Variants in MUC5B observed in about 807,000 individuals in gnomAD.
MUC5B encodes mucin 5B, oligomeric mucus/gel-forming.
Under a neutral mutation model 376.9 loss-of-function variants are expected in MUC5B, and 116 were observed. The observed-to-expected ratio is 0.31, with a 90% confidence interval of 0.26 to 0.36. The LOEUF (loss-of-function observed/expected upper bound fraction) is 0.36, where lower values mean the gene tolerates loss of function less well. Among genes scored for constraint, MUC5B ranks in the 10% least tolerant of loss-of-function variants. MUC5B has a pLI of 1.00. For synonymous variants in MUC5B, 3,517 were observed against 3,390.9 expected, an observed-to-expected ratio of 1.04 and a Z score of -1.29; for missense variants, 7,165 against 7,769.9, an observed-to-expected ratio of 0.92 and a Z score of 2.93.
rs1031020920 is a variant in MUC5B at position 1,243,017 on chromosome 11, C to T, written c.6137C>T (p.Ala2046Val). The T allele has an allele frequency of 1.9e-6, 3 of 1,613,062 alleles. No individual in the cohort carries two copies. Among genetic ancestry groups the T allele is most frequent in the Admixed American group, 3.3e-5 (2 of 59,964 alleles). Reference sequence around the variant, plus strand: ...ACCCCCTCCTCCACCCCAGGAACAGCTCACACTACCAAAGTGCCAACTACC... The same window carrying T: ...ACCCCCTCCTCCACCCCAGGAACAGTTCACACTACCAAAGTGCCAACTACC... ...VATPSSTPGT[A>V]HTTKVPTTTT... Residue 2046 changes from alanine to valine, a missense_variant, in exon 31 of 49, where the codon GCT becomes GTT. Ala to Val is a moderately conservative substitution (Grantham distance 64, BLOSUM62 0). Around this residue, in one of 31 missense-constraint regions of MUC5B, gnomAD observed 897 missense variants for 779.6 expected, o/e 1.15. Transcript: ENST00000529681.
Position 1,248,417 on chromosome 11 carries a change from C to T in MUC5B, c.11537C>T (p.Ala3846Val), listed in dbSNP as rs199752447. ...ACCACCACGGCCACCACAACCAGGG[C>T]CACCGGCTCTGTGGCCACCCCCTCT... ...VLTTTATTTR[A>V]TGSVATPSST... Residue 3846 changes from alanine (A) to valine (V), a missense_variant, in exon 31 of 49, where the codon GCC becomes GTC. Ala to Val is a moderately conservative substitution (Grantham distance 64, BLOSUM62 0). Transcript: ENST00000529681. 16 of 1,612,114 alleles carry T rather than the reference C, an allele frequency of 9.9e-6. No individual in the cohort carries two copies. In the African/African-American group the frequency reaches 2.1e-4, roughly 22 times the overall value.
At chr11:1,256,458 A>ACCTGGCCCCGCCC in intron 38 of MUC5B, 1 of 296,420 alleles carries the variant, frequency 3.4e-6, no homozygotes, top group Non-Finnish European at 6.0e-6. Flanking sequence ...TGGCCCCGCC[A>ACCTGGCCCCGCCC]CCGAGCCCCA....
Position 1,243,805 on chromosome 11 carries a change from G to T in MUC5B, c.6925G>T (p.Val2309Leu). Residue 2309 changes from valine (V) to leucine (L), a missense_variant, in exon 31 of 49, where the codon GTG (valine) becomes TTG (leucine). Coordinates refer to ENST00000529681, the MANE Select transcript of MUC5B (RefSeq NM_002458.3). Reference protein sequence around the residue: ...SSPTSAPITTVVTMGCEPQCA... With the variant: ...SSPTSAPITTLVTMGCEPQCA... ...CCCCACATCGGCCCCCATAACCACG[G>T]TGGTGACCATGGGCTGTGAGCCCCA... 6.2e-7 allele frequency: 1 copy of T among 1,611,644 alleles called. No individual in the cohort carries two copies. The highest frequency in any genetic ancestry group is 1.7e-5 in the Admixed American group (1 of 60,012).
Position 1,257,565 on chromosome 11 carries a change from C to T in MUC5B, c.16305C>T (p.Cys5435=), listed in dbSNP as rs753328009. Residue 5435 remains cysteine (C), a synonymous_variant, in exon 41 of 49, where the codon TGC becomes TGT. Transcript: ENST00000529681. The surrounding 1 kb of genome is among the most constrained non-coding windows in gnomAD (Gnocchi z 8.9). Reference sequence around the variant, plus strand: ...GGTGGGTCAGCAACTGCCAGTCCTGCGTGTGTGACGAGGGTTCAGTGTCGG... The same window carrying T: ...GGTGGGTCAGCAACTGCCAGTCCTGTGTGTGTGACGAGGGTTCAGTGTCGG... The part of the protein sequence containing the change: ...GERWVSNCQS[C]VCDEGSVSVQ... The T allele has an allele frequency of 9.3e-6, 15 of 1,608,094 alleles. No homozygotes were observed. The East Asian group carries it at 1.3e-4, about 14-fold the overall frequency.
intron 18 of MUC5B, 127 bp from the exon 19 acceptor site, chr11:1,233,666 C>A: frequency 1.1e-6 from 1 of 875,530 alleles, no homozygotes; most frequent in Non-Finnish European, 1.8e-6. Flanking sequence ...GCAGCAGGCA[C>A]CGTCTGGCCT....
chr11:1,231,100 T>C, intron 13 of MUC5B, 95 bp downstream of exon 13: 1 of 1,292,456 alleles, frequency 7.7e-7, no homozygotes, highest in Non-Finnish European at 1.1e-6. Context: ...CCCTGCTAGT[T>C]CTCCGTGGCC....
chr11:1,237,316 C>T lies in MUC5B; in HGVS notation c.3297+152C>T, dbSNP rs193268509. ...AGTCCTGGATGTCAGGTCCCAAGTC[C>T]GGATCTCCCGTCAGCCCCACACCTG... is the stretch of plus-strand genomic sequence containing the variant. On this transcript the variant is annotated intron_variant, in intron 25 of 48. Transcript: ENST00000529681. Among the ~76,000 whole-genome samples, 14 of 152,274 alleles carry T rather than the reference C, an allele frequency of 9.2e-5. No individual in the cohort carries two copies. The East Asian group carries it at 9.7e-4, about 11-fold the overall frequency.
At chr11:1,260,317 C>T (rs1343665897) in intron 46 of MUC5B, 34 bp from the exon 47 acceptor site, 3 of 1,608,810 alleles carry the variant, frequency 1.9e-6, no homozygotes, top group African/African-American at 2.7e-5. Context: ...AGGCCCCGCC[C>T]ACAGCCCTGC....
At position 1,248,689 on chromosome 11, in the gene MUC5B, A is replaced by C. The variant is rs765706297; in HGVS notation, c.11809A>C (p.Ser3937Arg). 1.9e-6 allele frequency: 3 copies of C among 1,582,618 alleles called. No homozygotes were observed. The Admixed American group carries it at 5.6e-5, about 29-fold the overall frequency. Reference protein sequence around the residue: ...ATGSMATPSSSTQTSGTPPSL... With the variant: ...ATGSMATPSSRTQTSGTPPSL... ...TGGTTCTATGGCAACACCCTCCTCT[A>C]GCACACAGACCAGTGGTACTCCCCC... Residue 3937 changes from serine (S) to arginine (R), a missense_variant, in exon 31 of 49, where the codon AGC (serine) becomes CGC (arginine). This residue lies in a region of MUC5B where 242 missense variants were observed against 199.0 expected (regional missense o/e 1.22). Coordinates refer to ENST00000529681, the MANE Select transcript of MUC5B (RefSeq NM_002458.3).
rs1398710573 is a variant in MUC5B, at chr11:1,246,423, C to T, written c.9543C>T (p.Ala3181=). 5 of 1,613,604 alleles carry T rather than the reference C, an allele frequency of 3.1e-6. No individual in the cohort carries two copies. The African/African-American group carries it at 5.3e-5, about 17-fold the overall frequency. Reference sequence around the variant, plus strand: ...TGACGGTGCCCACCGGATCCACGGCCACCGCCTCCTCCACCCGGGCAACTG... The same window carrying T: ...TGACGGTGCCCACCGGATCCACGGCTACCGCCTCCTCCACCCGGGCAACTG... The part of the protein sequence containing the change: ...ATVTVPTGST[A]TASSTRATAG... Residue 3181 remains alanine, a synonymous_variant, in exon 31 of 49, where the codon GCC becomes GCT. Transcript: ENST00000529681.
At chr11:1,260,561 C>CAGCA in intron 47 of MUC5B, 65 bp from the exon 48 acceptor site, 1 of 1,512,108 alleles carries the variant, frequency 6.6e-7, no homozygotes, top group South Asian at 1.2e-5. Flanking sequence ...AGGGTCGGCC[C>CAGCA]AGCAAGTCCA....
In MUC5B at chr11:1,238,969, C is replaced by A; in HGVS notation, c.3396C>A (p.Tyr1132Ter). Residue 1132 changes from tyrosine to a stop codon, truncating the protein, a stop_gained, in exon 26 of 49, where the codon TAC becomes TAA. Transcript: ENST00000529681. LOFTEE classifies it high-confidence loss of function. ...CECFCTAVAAYAQACHDAGLC... is the reference protein window; with the variant it reads ...CECFCTAVAA ...GTTTCTGCACGGCTGTGGCTGCCTA[C>A]GCCCAGGCCTGCCACGACGCGGGCC... The A allele has an allele frequency of 6.4e-7, 1 of 1,572,790 alleles. No homozygotes were observed. The highest frequency in any genetic ancestry group is 2.4e-5 in the East Asian group (1 of 42,448).
intron 45 of MUC5B, 21 bp from the exon 46 acceptor site, chr11:1,259,942 A>T: frequency 6.2e-7 from 1 of 1,612,872 alleles, no homozygotes; most frequent in Non-Finnish European, 8.5e-7. Flanking sequence ...CTCAGCTTCC[A>T]CACTCACCCT....
chr11:1,254,317 C>A lies in MUC5B; in HGVS notation c.15443C>A (p.Thr5148Asn). 6.2e-7 allele frequency: 1 copy of A among 1,606,882 alleles called. No individual in the cohort carries two copies. The highest frequency in any genetic ancestry group is 8.5e-7 in the Non-Finnish European group (1 of 1,179,816). ...TACAAGTCCATGGATATCGTCCTCA[C>A]TGTCACCATGGTGCATGGGAAGGAG... ...IHYKSMDIVL[T>N]VTMVHGKEEG... The change falls in exon 34 of 49, where the codon ACT becomes AAT. Residue 5148 changes from threonine (T) to asparagine (N), a missense_variant. Physicochemically the swap from Thr to Asn is moderately conservative, Grantham distance 65. This residue lies in a region of MUC5B where 842 missense variants were observed against 1,016.9 expected (regional missense o/e 0.83). Transcript: ENST00000529681.
Position 1,241,587 on chromosome 11 carries a change from C to T in MUC5B, c.4707C>T (p.Asp1569=), listed in dbSNP as rs369671175. 1.5e-5 allele frequency: 24 copies of T among 1,612,004 alleles called. No individual in the cohort carries two copies. The highest frequency in any genetic ancestry group is 8.0e-5 in the African/African-American group (6 of 74,868). ...LAQVGQKVHC[D]VHFGLVCRNW... is the part of the protein sequence containing the mutation. The stretch of plus-strand genomic sequence containing the variant: ...AGGTGGGGCAGAAGGTGCACTGTGA[C>T]GTCCACTTCGGCCTGGTGTGCAGGA... Residue 1569 remains aspartate (D), a synonymous_variant, in exon 31 of 49, where the codon GAC becomes GAT. Transcript: ENST00000529681.
intron 9 of MUC5B, 90 bp downstream of exon 9, chr11:1,229,385 C>A: frequency 1.4e-6 from 2 of 1,383,518 alleles, no homozygotes; most frequent in African/African-American, 1.4e-5. Context: ...GGAAGCAGAG[C>A]CCCTCATGCC....
intron 25 of MUC5B, among the ~76,000 whole-genome samples, 184 bp from the exon 26 acceptor site, chr11:1,238,687 G>A (rs1311920627): frequency 2.0e-5 from 3 of 152,166 alleles, no homozygotes; most frequent in Non-Finnish European, 4.4e-5. Context: ...CAGGTGGGCT[G>A]GAGAAGTGCT....
chr11:1,248,465 C>G lies in MUC5B; in HGVS notation c.11585C>G (p.Thr3862Ser). ...TPSSTPGTAH[T>S]TKVPTTTTTG... ...TCTTCCACCCCAGGAACAGCTCACACTACCAAAGTGCCGACTACCACAACC... is the reference window on the plus strand; with the variant it reads ...TCTTCCACCCCAGGAACAGCTCACAGTACCAAAGTGCCGACTACCACAACC... The change falls in exon 31 of 49, where the codon ACT becomes AGT. Residue 3862 changes from threonine (T) to serine (S), a missense_variant. Transcript: ENST00000529681. The G allele has an allele frequency of 1.2e-6, 2 of 1,610,976 alleles. No individual in the cohort carries two copies. The highest frequency in any genetic ancestry group is 1.7e-6 in the Non-Finnish European group (2 of 1,178,224).
Position 1,246,490 on chromosome 11 carries a change from A to G in MUC5B, c.9610A>G (p.Thr3204Ala), listed in dbSNP as rs1416482916. ...GCTGACCAGCACGGCCACCACACCC[A>G]CAGTCATCAGCTCCAGAGCCACTCC... ...KVLTSTATTP[T>A]VISSRATPSS... The change falls in exon 31 of 49, where the codon ACA (threonine) becomes GCA (alanine). Residue 3204 changes from threonine to alanine, a missense_variant. By Grantham distance (58) the Thr-to-Ala change is moderately conservative (BLOSUM62 0). Coordinates refer to ENST00000529681, the MANE Select transcript of MUC5B (RefSeq NM_002458.3). The G allele has an allele frequency of 6.2e-7, 1 of 1,613,124 alleles. No individual in the cohort carries two copies. Among genetic ancestry groups the G allele is most frequent in the South Asian group, 1.1e-5 (1 of 91,028 alleles).
Sources: gnomAD v4.1 joint callset for allele counts (sites outside exome capture counted in the v4.1 genomes callset) on GRCh38, gnomAD v4.1.1 for gene constraint, gnomAD v4.1.1 regional missense constraint, Gnocchi (gnomAD v3.1) non-coding constraint, MANE v1.5 for transcripts, NCBI Gene and HGNC (gene_info 2026-07-23, HGNC 2026-07-21) for gene names.